PPIL2: variants seen among roughly 807,000 people sequenced by gnomAD.
PPIL2 encodes RING-type E3 ubiquitin-protein ligase PPIL2.
In PPIL2, 50 loss-of-function variants were observed where a neutral mutation model predicts 75.2. The ratio of observed to expected loss-of-function variants is 0.66; its 90% confidence interval spans 0.53 to 0.84. The LOEUF is 0.84. Ranked by LOEUF, PPIL2 falls within the 40% of genes least tolerant of loss-of-function variation. PPIL2 has a pLI of 0.00. For missense variants in PPIL2, 590 were observed against 685.0 expected (o/e 0.86, Z 1.55); for synonymous variants, 245 against 258.8 (o/e 0.95, Z 0.51).
intron 15 of PPIL2, among the ~76,000 whole-genome samples, chr22:21,692,151 CA>C (rs2148569380): frequency 6.6e-6 from 1 of 151,660 alleles, no homozygotes; most frequent in South Asian, 2.1e-4. Context: ...TTCATCCTGA[CA>C]GTCTTTTTTT....
At chr22:21,685,081 GC>G (rs965843459) in intron 10 of PPIL2, among the ~76,000 whole-genome samples, 168 bp downstream of exon 10, 1 of 152,256 alleles carries the variant, frequency 6.6e-6, no homozygotes, top group African/African-American at 2.4e-5. Context: ...TGAGTGCACA[GC>G]CCTGGGGCTG....
intron 15 of PPIL2, among the ~76,000 whole-genome samples, chr22:21,689,913 G>A (rs1167616572): frequency 1.3e-5 from 2 of 152,292 alleles, no homozygotes; most frequent in South Asian, 4.1e-4. Flanking sequence ...GGGTGTCTCC[G>A]TGGCATTCTG....
At chr22:21,677,808 G>C (rs1031477670) in intron 6 of PPIL2, among the ~76,000 whole-genome samples, 1 of 152,206 alleles carries the variant, frequency 6.6e-6, no homozygotes, top group Non-Finnish European at 1.5e-5. Flanking sequence ...TCTGGTGGGG[G>C]AGAACACCAG....
At chr22:21,668,677 G>C (rs1170978530) in intron 1 of PPIL2, among the ~76,000 whole-genome samples, 1 of 149,632 alleles carries the variant, frequency 6.7e-6, no homozygotes. Context: ...GAAATCATAA[G>C]ATTGACAAAA....
chr22:21,684,950 C>T (rs765355197), intron 10 of PPIL2, 37 bp downstream of exon 10: 21 of 1,606,862 alleles, frequency 1.3e-5, no homozygotes, highest in South Asian at 6.6e-5. Flanking sequence ...GCCCAAGCCC[C>T]GTCTTCCTGC....
At chr22:21,668,901 C>A (rs781726342) in intron 1 of PPIL2, among the ~76,000 whole-genome samples, 9 of 151,660 alleles carry the variant, frequency 5.9e-5, no homozygotes, top group Non-Finnish European at 8.8e-5. Flanking sequence ...TCAGTAGAGA[C>A]GGGGTTTCAC....
downstream of PPIL2, chr22:21,700,011 C>G (rs538155894): frequency 6.6e-6 from 1 of 152,492 alleles, no homozygotes; most frequent in South Asian, 2.1e-4. Flanking sequence ...TTCCACTAGA[C>G]ACCATTCTCA....
chr22:21,674,925 G>A (rs2066775261), intron 5 of PPIL2, 139 bp from the exon 6 acceptor site: 1 of 735,380 alleles, frequency 1.4e-6, no homozygotes, highest in Admixed American at 2.4e-5. Context: ...TCCTTGCAGG[G>A]TCTTGGGGCC....
chr22:21,671,094 T>G, intron 4 of PPIL2, 35 bp downstream of exon 4: 1 of 1,577,970 alleles, frequency 6.3e-7, no homozygotes, highest in African/African-American at 1.3e-5. Flanking sequence ...CTAACAAATG[T>G]GAGATTCTCA....
Position 21,670,589 on chromosome 22 carries a change from C to T in PPIL2, c.106C>T (p.Arg36Cys), listed in dbSNP as rs998099810. Residue 36 changes from arginine (R) to cysteine (C), a missense_variant, in exon 3 of 20, where the codon CGT becomes TGT. Coordinates refer to ENST00000398831, the MANE Select transcript of PPIL2 (RefSeq NM_014337.4). ...KPDLPQTNFR[R>C]LPFDHCSLSL... Reference sequence around the variant, plus strand: ...AGATCTCCCACAAACAAATTTTCGTCGTTTACCTTTTGACCACTGCAGGTA... The same window carrying T: ...AGATCTCCCACAAACAAATTTTCGTTGTTTACCTTTTGACCACTGCAGGTA... 8.7e-6 allele frequency: 14 copies of T among 1,611,442 alleles called. No homozygotes were observed. The highest frequency in any genetic ancestry group is 2.2e-5 in the South Asian group (2 of 90,998).
chr22:21,698,301 A>G (rs556992705), downstream of PPIL2: 2 of 152,260 alleles, frequency 1.3e-5, no homozygotes, highest in Non-Finnish European at 2.9e-5. Flanking sequence ...GACTACTAGT[A>G]AAAAATGTTC....
At chr22:21,692,379 C>T (rs961569783) in intron 15 of PPIL2, among the ~76,000 whole-genome samples, 21 of 151,452 alleles carry the variant, frequency 1.4e-4, no homozygotes, top group East Asian at 4.0e-4. Flanking sequence ...TGGTCTCGAT[C>T]TCCTGACCTT....
chr22:21,677,445 G>C (rs1012383363), intron 6 of PPIL2, among the ~76,000 whole-genome samples: 1 of 152,254 alleles, frequency 6.6e-6, no homozygotes, highest in African/African-American at 2.4e-5. Flanking sequence ...CTGCAATCCC[G>C]GCACCTCGGG....
rs145593427 is a variant in PPIL2 at position 21,679,753 on chromosome 22, A to C, written c.296-1546A>C. ...CTAACTTGAGGCTCTAACTAATTTG[A>C]GGCTCTAACTTGGCCTCAAATCAGG... On this transcript the variant is annotated intron_variant, in intron 6 of 19. Coordinates refer to ENST00000398831, the MANE Select transcript of PPIL2 (RefSeq NM_014337.4). 3.5e-3 allele frequency among the ~76,000 whole-genome samples: 529 copies of C among 151,658 alleles called. 2 individuals carry two copies. Among genetic ancestry groups the C allele is most frequent in the Non-Finnish European group, 5.7e-3 (388 of 67,902 alleles).
chr22:21,670,098 C>G, intron 2 of PPIL2, 136 bp downstream of exon 2: 2 of 990,380 alleles, frequency 2.0e-6, no homozygotes, highest in East Asian at 5.2e-5. Flanking sequence ...GGACACAGTT[C>G]ATGAAAGAGA....
At chr22:21,698,041 A>G (rs1300386106), downstream of PPIL2, 1 of 152,292 alleles carries the variant, frequency 6.6e-6, no homozygotes, top group African/African-American at 2.4e-5. Context: ...TAACCCTGAC[A>G]TCACCTCCCA....
At position 21,683,197 on chromosome 22, in the gene PPIL2, G is replaced by A. The variant is rs1378622329; in HGVS notation, c.493G>A (p.Asp165Asn). ...IITLQDPTNLDKFNVSNFYHV... is the reference protein window; with the variant it reads ...IITLQDPTNLNKFNVSNFYHV... ...TTTGCCACAGGACCCCACCAATTTG[G>A]ACAAGTTCAATGTCTCTAACTTCTA... Residue 165 changes from aspartate (D) to asparagine (N), a missense_variant, in exon 9 of 20, where the codon GAC (aspartate) becomes AAC (asparagine). Physicochemically the swap from Asp to Asn is conservative, Grantham distance 23. Transcript: ENST00000398831. 6.2e-7 allele frequency: 1 copy of A among 1,613,480 alleles called. No homozygotes were observed. The highest frequency in any genetic ancestry group is 2.2e-5 in the East Asian group (1 of 44,886).
chr22:21,672,473 A>G, intron 5 of PPIL2, 92 bp downstream of exon 5: 1 of 1,320,378 alleles, frequency 7.6e-7, no homozygotes, highest in Non-Finnish European at 1.1e-6. Flanking sequence ...ACACAGGAAC[A>G]TGGGAGAGAA....
At chr22:21,693,896 C>T (rs757629630) in intron 16 of PPIL2, 24 bp downstream of exon 16, 2 of 1,526,426 alleles carry the variant, frequency 1.3e-6, no homozygotes, top group Non-Finnish European at 1.8e-6. Context: ...CTGTGTGAAG[C>T]CTGGGGGGTC....
Sources: gnomAD v4.1 joint callset for allele counts (sites outside exome capture counted in the v4.1 genomes callset) on GRCh38, gnomAD v4.1.1 for gene constraint, MANE v1.5 for transcripts, NCBI Gene and HGNC (gene_info 2026-07-23, HGNC 2026-07-21) for gene names.